The following ANGPTL7 variants were observed in gnomAD, a reference collection of about 807,000 sequenced individuals.
The protein encoded by ANGPTL7 is angiopoietin-related protein 7.
In ANGPTL7, 37 loss-of-function variants were observed where a neutral mutation model predicts 38.8. The observed-to-expected ratio is 0.95, with a 90% CI of 0.73 to 1.25. The LOEUF (loss-of-function observed/expected upper bound fraction) is 1.25, where lower values mean the gene tolerates loss of function less well. Ranked by LOEUF, ANGPTL7 falls within the 50% of genes most tolerant of loss-of-function variation. The pLI, the probability that ANGPTL7 is intolerant of heterozygous loss-of-function variation, is 0.00. For missense variants in ANGPTL7, 427 were observed against 438.6 expected (o/e 0.97, Z 0.24); for synonymous variants, 166 against 163.2 (o/e 1.02, Z -0.13).
Position 11,189,963 on chromosome 1 carries a change from G to A in ANGPTL7, c.376+8G>A, listed in dbSNP as rs1035869344. The A allele has an allele frequency of 6.3e-7, 1 of 1,599,648 alleles. No individual in the cohort carries two copies. The highest frequency in any genetic ancestry group is 8.5e-7 in the Non-Finnish European group (1 of 1,173,020). Reference sequence around the variant, plus strand: ...TCACTCAGACCTCCGCAGGTAAGGAGACCAGTCCCCTGAGGGAGCGTGGAG... The same window carrying A: ...TCACTCAGACCTCCGCAGGTAAGGAAACCAGTCCCCTGAGGGAGCGTGGAG... On this transcript the variant is annotated splice_region_variant and intron_variant, in intron 1 of 4. Coordinates refer to ENST00000376819, the MANE Select transcript of ANGPTL7 (RefSeq NM_021146.4).
Position 11,195,016 on chromosome 1 carries a change from A to G in ANGPTL7, c.1034A>G (p.Lys345Arg), listed in dbSNP as rs138507629. 9.1e-5 allele frequency: 147 copies of G among 1,613,598 alleles called. No individual in the cohort carries two copies. Among genetic ancestry groups the G allele is most frequent in the African/African-American group, 9.1e-4 (68 of 75,040 alleles). Residue 345 changes from lysine to arginine, a missense_variant, in exon 5 of 5, where the codon AAG (lysine) becomes AGG (arginine). Physicochemically the swap from Lys to Arg is conservative, Grantham distance 26. Coordinates refer to ENST00000376819, the MANE Select transcript of ANGPTL7 (RefSeq NM_021146.4). Reference protein sequence around the residue: ...VEMKIRPEDFKP With the variant: ...VEMKIRPEDFRP ...ATGAAAATCCGCCCAGAAGACTTCA[A>G]GCCTTAAAAGGAGGCTGCCGTGGAG...
Position 11,195,712 on chromosome 1 carries a change from C to T in ANGPTL7, c.*689C>T, listed in dbSNP as rs1197723410. On this transcript the variant is annotated 3_prime_UTR_variant, in exon 5 of 5. Transcript: ENST00000376819. Reference sequence around the variant, plus strand: ...AGCACCAGCAGGAGGTGGACAGAGTCTCTCATGGATGCCGGCACAAAACTG... The same window carrying T: ...AGCACCAGCAGGAGGTGGACAGAGTTTCTCATGGATGCCGGCACAAAACTG... 1 of 152,614 alleles carries T rather than the reference C, an allele frequency of 6.6e-6. No individual in the cohort carries two copies. The allele number at this position is 152,614 out of a possible 1,614,324, so 9.5% of individuals were successfully genotyped here.
intron 2 of ANGPTL7, among the ~76,000 whole-genome samples, chr1:11,192,815 C>A (rs1645598285): frequency 6.6e-6 from 1 of 150,690 alleles, no homozygotes; most frequent in Admixed American, 6.6e-5. Context: ...CAGAGCTATG[C>A]AAACACTCAG....
chr1:11,189,623 T>C lies in ANGPTL7; in HGVS notation c.44T>C (p.Phe15Ser). The C allele has an allele frequency of 1.9e-6, 3 of 1,613,816 alleles. No individual in the cohort carries two copies. Among genetic ancestry groups the C allele is most frequent in the Non-Finnish European group, 2.5e-6 (3 of 1,179,896 alleles). The change falls in exon 1 of 5, where the codon TTC becomes TCC. Residue 15 changes from phenylalanine to serine, a missense_variant. Coordinates refer to ENST00000376819, the MANE Select transcript of ANGPTL7 (RefSeq NM_021146.4). ...PLSAVTWLCI[F>S]IVAFVSHPAW... The stretch of plus-strand genomic sequence containing the variant: ...TCAGCTGTGACCTGGCTCTGCATTT[T>C]CATCGTGGCCTTTGTCAGCCACCCA...
chr1:11,192,124 T>C, intron 1 of ANGPTL7, 146 bp from the exon 2 acceptor site: 1 of 665,918 alleles, frequency 1.5e-6, no homozygotes, highest in East Asian at 2.7e-5. Flanking sequence ...GATCTCCCCA[T>C]ATCCACCTCT....
rs773163030 is a variant in ANGPTL7 at position 11,189,704 on chromosome 1, C to A, written c.125C>A (p.Ala42Glu). ...HKTPAQPQLK[A>E]ANCCEEVKEL... is the part of the protein sequence containing the mutation. Reference sequence around the variant, plus strand: ...ACACCAGCACAGCCACAGCTCAAAGCGGCCAACTGCTGTGAGGAGGTGAAG... The same window carrying A: ...ACACCAGCACAGCCACAGCTCAAAGAGGCCAACTGCTGTGAGGAGGTGAAG... The change falls in exon 1 of 5, where the codon GCG becomes GAG. Residue 42 changes from alanine (A) to glutamate (E), a missense_variant. Physicochemically the swap from Ala to Glu is moderately radical, Grantham distance 107. Transcript: ENST00000376819. 1.9e-6 allele frequency: 3 copies of A among 1,614,182 alleles called. No homozygotes were observed. Among genetic ancestry groups the A allele is most frequent in the Non-Finnish European group, 2.5e-6 (3 of 1,180,026 alleles).
rs767420253 is a variant in ANGPTL7 at position 11,189,922 on chromosome 1, C to T, written c.343C>T (p.Gln115Ter). Reference protein sequence around the residue: ...MNNQIDIMQLQAAQTVTQTSA... With the variant: ...MNNQIDIMQL The stretch of plus-strand genomic sequence containing the variant: ...CAACCAAATTGACATCATGCAGCTG[C>T]AGGCAGCACAGACGGTCACTCAGAC... Residue 115 changes from glutamine (Q) to a stop codon, truncating the protein, a stop_gained, in exon 1 of 5, where the codon CAG becomes TAG. Coordinates refer to ENST00000376819, the MANE Select transcript of ANGPTL7 (RefSeq NM_021146.4). LOFTEE classifies it high-confidence loss of function. The T allele has an allele frequency of 2.2e-5, 36 of 1,613,166 alleles. No individual in the cohort carries two copies. Among genetic ancestry groups the T allele is most frequent in the East Asian group, 1.6e-4 (7 of 44,890 alleles).
In ANGPTL7 at chr1:11,195,705, A is replaced by G. The variant is rs1645760869; in HGVS notation, c.*682A>G. The G allele has an allele frequency of 6.5e-6, 1 of 152,692 alleles. No homozygotes were observed. Among genetic ancestry groups the G allele is most frequent in the African/African-American group, 2.4e-5 (1 of 41,458 alleles). 9.5% of individuals were successfully genotyped at this position (152,692 alleles called of 1,614,324 possible). A position where few individuals can be genotyped will look rare whatever the true frequency, so the allele number is the denominator to read the frequency against. On this transcript the variant is annotated 3_prime_UTR_variant, in exon 5 of 5. Coordinates refer to ENST00000376819, the MANE Select transcript of ANGPTL7 (RefSeq NM_021146.4). The stretch of plus-strand genomic sequence containing the variant: ...GGAATGAAGCACCAGCAGGAGGTGG[A>G]CAGAGTCTCTCATGGATGCCGGCAC...
Position 11,193,816 on chromosome 1 carries a change from C to A in ANGPTL7, c.672+42C>A, listed in dbSNP as rs150816896. On this transcript the variant is annotated intron_variant, in intron 3 of 4. Coordinates refer to ENST00000376819, the MANE Select transcript of ANGPTL7 (RefSeq NM_021146.4). ...GGGCCCCATGACTGGACCAGTGCCA[C>A]CACACATGACCGCGTACAACTCCGG... is the stretch of plus-strand genomic sequence containing the variant. 12 of 1,594,986 alleles carry A rather than the reference C, an allele frequency of 7.5e-6. No individual in the cohort carries two copies. The East Asian group carries it at 2.5e-4, about 33-fold the overall frequency.
At chr1:11,190,487 G>A (rs1227121814) in intron 1 of ANGPTL7, among the ~76,000 whole-genome samples, 2 of 152,176 alleles carry the variant, frequency 1.3e-5, no homozygotes, top group Non-Finnish European at 2.9e-5. Context: ...ACATAACCAT[G>A]TGAAGAGTCC....
intron 2 of ANGPTL7, 35 bp from the exon 3 acceptor site, chr1:11,193,545 G>C: frequency 1.3e-6 from 2 of 1,543,770 alleles, no homozygotes; most frequent in Non-Finnish European, 1.7e-6. Context: ...TTCTGCCCCT[G>C]CAAGTCCCTC....
Position 11,195,096 on chromosome 1 carries a change from G to A in ANGPTL7, c.*73G>A. On this transcript the variant is annotated 3_prime_UTR_variant, in exon 5 of 5. Transcript: ENST00000376819. The stretch of plus-strand genomic sequence containing the variant: ...ACTGGATGAGGGCAGATGAGGACAG[G>A]AAGAGAGTGTTAGAAAGGGTAGGAC... 1 of 1,498,064 alleles carries A rather than the reference G, an allele frequency of 6.7e-7. No homozygotes were observed. The highest frequency in any genetic ancestry group is 9.1e-7 in the Non-Finnish European group (1 of 1,096,328). 92.8% of individuals were successfully genotyped at this position (1,498,064 alleles called of 1,614,324 possible).
In ANGPTL7 at chr1:11,193,697, C is replaced by G. The variant is rs776858069; in HGVS notation, c.595C>G (p.Arg199Gly). The G allele has an allele frequency of 6.2e-7, 1 of 1,614,090 alleles. No homozygotes were observed. The highest frequency in any genetic ancestry group is 1.7e-5 in the Admixed American group (1 of 60,016). The stretch of plus-strand genomic sequence containing the variant: ...GTACAAGCAGGGCTTTGGCAGCATC[C>G]GTGGGGACTTCTGGCTGGGGAACGA... ...KQYKQGFGSI[R>G]GDFWLGNEHI... is the part of the protein sequence containing the mutation. The change falls in exon 3 of 5, where the codon CGT (arginine) becomes GGT (glycine). Residue 199 changes from arginine to glycine, a missense_variant. Physicochemically the swap from Arg to Gly is moderately radical, Grantham distance 125. Coordinates refer to ENST00000376819, the MANE Select transcript of ANGPTL7 (RefSeq NM_021146.4).
At chr1:11,192,928 A>T (rs962984091) in intron 2 of ANGPTL7, among the ~76,000 whole-genome samples, 1 of 152,004 alleles carries the variant, frequency 6.6e-6, no homozygotes, top group Non-Finnish European at 1.5e-5. Flanking sequence ...TCTTATAACC[A>T]CCACATAACT....
At chr1:11,191,686 T>C (rs1645537082) in intron 1 of ANGPTL7, among the ~76,000 whole-genome samples, 1 of 152,208 alleles carries the variant, frequency 6.6e-6, no homozygotes, top group Admixed American at 6.5e-5. Context: ...ACAAAACTTC[T>C]GGGAGGAAGG....
intron 2 of ANGPTL7, 95 bp from the exon 3 acceptor site, chr1:11,193,485 G>A (rs1335632334): frequency 1.8e-6 from 2 of 1,130,674 alleles, no homozygotes; most frequent in South Asian, 1.6e-5. Flanking sequence ...ACATCTACTG[G>A]CTCTGCAGGG....
Position 11,194,933 on chromosome 1 carries a change from G to GGT in ANGPTL7, c.952_953insTG (p.Asp318ValfsTer21). 1 of 1,614,140 alleles carries GGT rather than the reference G, an allele frequency of 6.2e-7. No homozygotes were observed. The highest frequency in any genetic ancestry group is 2.2e-5 in the East Asian group (1 of 44,866). ...GCCTGGGTGAGCACAATAAGCACCT[G>GGT]GATGGCATCACCTGGTATGGCTGGC... On this transcript the variant is annotated frameshift_variant, in exon 5 of 5. Coordinates refer to ENST00000376819, the MANE Select transcript of ANGPTL7 (RefSeq NM_021146.4). LOFTEE classifies it high-confidence loss of function.
At chr1:11,194,174 G>T (rs563797567) in intron 3 of ANGPTL7, among the ~76,000 whole-genome samples, 1 of 152,338 alleles carries the variant, frequency 6.6e-6, no homozygotes, top group South Asian at 2.1e-4. Context: ...CAGCAGCTCT[G>T]TGTGGGATTC....
chr1:11,192,253 G>T lies in ANGPTL7; in HGVS notation c.377-17G>T, dbSNP rs535666707. On this transcript the variant is annotated splice_polypyrimidine_tract_variant and intron_variant, in intron 1 of 4. Coordinates refer to ENST00000376819, the MANE Select transcript of ANGPTL7 (RefSeq NM_021146.4). ...CACTGGGTCTAAATGCTCACCCTGT[G>T]GTTTGTTCTCTTGTAGATGCCATCT... 23 of 1,585,590 alleles carry T rather than the reference G, an allele frequency of 1.5e-5. No individual in the cohort carries two copies. Among genetic ancestry groups the T allele is most frequent in the Admixed American group, 5.0e-5 (3 of 59,914 alleles).
Sources: allele counts gnomAD v4.1 joint callset (sites outside exome capture counted in the v4.1 genomes callset), GRCh38; gene constraint gnomAD v4.1.1; transcripts MANE v1.5; gene names NCBI Gene and HGNC (gene_info 2026-07-23, HGNC 2026-07-21).